The following PSMD1 variants were observed in gnomAD, a reference collection of about 807,000 sequenced individuals.
PSMD1 encodes the protein 26S proteasome non-ATPase regulatory subunit 1.
PSMD1 carries 18 observed loss-of-function variants against 119.0 expected under a neutral mutation model. The ratio of observed to expected loss-of-function variants is 0.15; its 90% CI spans 0.10 to 0.22. The LOEUF is 0.22. PSMD1 is among the 10% of genes least tolerant of loss of function. The pLI is 1.00. For missense variants in PSMD1, 702 were observed against 1,158.5 expected (o/e 0.61, Z 5.72); for synonymous variants, 374 against 396.6 (o/e 0.94, Z 0.68).
chr2:231,114,044 A>G, intron 16 of PSMD1: 1 of 775,068 alleles, frequency 1.3e-6, no homozygotes. Flanking sequence ...GAAATTTTAT[A>G]ACTTTAACAA....
At chr2:231,092,171 G>A (rs1694613045) in intron 16 of PSMD1, among the ~76,000 whole-genome samples, 1 of 152,086 alleles carries the variant, frequency 6.6e-6, no homozygotes, top group Non-Finnish European at 1.5e-5. Context: ...CCTGGGACGG[G>A]GCATGTTCTC....
intron 16 of PSMD1, among the ~76,000 whole-genome samples, chr2:231,116,602 A>AC (rs1695342986): frequency 6.6e-6 from 1 of 152,012 alleles, no homozygotes; most frequent in Non-Finnish European, 1.5e-5. Context: ...TTGGAATTTG[A>AC]CCATCTGATC....
chr2:231,107,155 A>G (rs1694997087), intron 16 of PSMD1, among the ~76,000 whole-genome samples: 1 of 152,216 alleles, frequency 6.6e-6, no homozygotes, highest in Admixed American at 6.5e-5. Context: ...TACTCTTCCC[A>G]GCAGATTATA....
At chr2:231,101,637 C>T (rs1243177660) in intron 16 of PSMD1, among the ~76,000 whole-genome samples, 1 of 152,140 alleles carries the variant, frequency 6.6e-6, no homozygotes, top group Admixed American at 6.5e-5. Flanking sequence ...AAAGGAAAAG[C>T]TAATGTGGCA....
At chr2:231,104,122 G>T (rs1694928729) in intron 16 of PSMD1, among the ~76,000 whole-genome samples, 2 of 152,036 alleles carry the variant, frequency 1.3e-5, no homozygotes, top group Non-Finnish European at 2.9e-5. Context: ...TGTATTGTCA[G>T]TGACTTTATA....
intron 5 of PSMD1, among the ~76,000 whole-genome samples, chr2:231,069,294 C>T (rs1052043020): frequency 6.6e-6 from 1 of 150,678 alleles, no homozygotes; most frequent in Non-Finnish European, 1.5e-5. Context: ...ACTCTTACTA[C>T]TTGTGATATA....
intron 5 of PSMD1, among the ~76,000 whole-genome samples, chr2:231,069,377 A>G (rs768431606): frequency 6.6e-6 from 1 of 152,152 alleles, no homozygotes; most frequent in South Asian, 2.1e-4. Context: ...TGATTTTATT[A>G]CGCAGTGGAA....
chr2:231,146,186 G>A, intron 17 of PSMD1, 54 bp from the exon 18 acceptor site: 1 of 1,234,096 alleles, frequency 8.1e-7, no homozygotes, highest in Non-Finnish European at 1.2e-6. Context: ...TAAATTGAAA[G>A]TTCAGCCATA....
chr2:231,150,222 C>T (rs568016245), intron 18 of PSMD1, among the ~76,000 whole-genome samples: 1 of 152,024 alleles, frequency 6.6e-6, no homozygotes, highest in South Asian at 2.1e-4. Flanking sequence ...TGGCAGGCGC[C>T]TGTAGTTCCA....
chr2:231,154,003 C>T (rs187563702), intron 19 of PSMD1, among the ~76,000 whole-genome samples: 169 of 152,202 alleles, frequency 1.1e-3, no homozygotes, highest in African/African-American at 3.9e-3. Flanking sequence ...ATCCTAGCTA[C>T]TTGGGAGGCT....
intron 16 of PSMD1, among the ~76,000 whole-genome samples, chr2:231,102,398 A>C (rs1215358986): frequency 6.6e-6 from 1 of 152,160 alleles, no homozygotes; most frequent in Non-Finnish European, 1.5e-5. Context: ...CACTGTCGAA[A>C]ATTCACGTAT....
At chr2:231,166,691 C>T (rs112210013) in intron 23 of PSMD1, among the ~76,000 whole-genome samples, 3,384 of 152,172 alleles carry the variant, frequency 0.022, 138 homozygotes, top group African/African-American at 0.077. Context: ...AACTAGAGCG[C>T]CATCAGTAGA....
intron 16 of PSMD1, among the ~76,000 whole-genome samples, chr2:231,101,170 C>T (rs531637048): frequency 6.6e-5 from 10 of 152,282 alleles, no homozygotes; most frequent in African/African-American, 2.4e-4. Flanking sequence ...TAACATTGTT[C>T]ACCCCCAAGT....
At chr2:231,071,941 G>T (rs1182043780) in intron 6 of PSMD1, among the ~76,000 whole-genome samples, 1 of 152,126 alleles carries the variant, frequency 6.6e-6, no homozygotes, top group East Asian at 1.9e-4. Context: ...GAATACTGCT[G>T]ATTACCAGGC....
chr2:231,078,774 T>C, intron 10 of PSMD1, 27 bp downstream of exon 10: 1 of 1,382,640 alleles, frequency 7.2e-7, no homozygotes, highest in East Asian at 2.4e-5. Context: ...ATTTTCACTT[T>C]GGTTCAAAAT....
chr2:231,097,512 C>T (rs1451114487), intron 16 of PSMD1, among the ~76,000 whole-genome samples: 1 of 152,156 alleles, frequency 6.6e-6, no homozygotes, highest in Non-Finnish European at 1.5e-5. Flanking sequence ...TAGCCTAAGG[C>T]TATCTTATTT....
At chr2:231,111,871 G>C (rs1184329236) in intron 16 of PSMD1, among the ~76,000 whole-genome samples, 1 of 152,108 alleles carries the variant, frequency 6.6e-6, no homozygotes. Context: ...TTGTGTTAGT[G>C]TAATTTGTTT....
intron 24 of PSMD1, among the ~76,000 whole-genome samples, chr2:231,172,105 C>T (rs1430350295): frequency 1.3e-5 from 2 of 152,200 alleles, no homozygotes; most frequent in Admixed American, 6.5e-5. Flanking sequence ...TCTAAACTTA[C>T]TTTTGAAAAT....
chr2:231,122,007 ATACT>A (rs1471036523), intron 16 of PSMD1, among the ~76,000 whole-genome samples: 7 of 148,140 alleles, frequency 4.7e-5, no homozygotes, highest in African/African-American at 1.7e-4. Flanking sequence ...TTTCTACATA[ATACT>A]TTCTTTTAAG....
Sources: gnomAD v4.1 joint callset for allele counts (sites outside exome capture counted in the v4.1 genomes callset) on GRCh38, gnomAD v4.1.1 for gene constraint, MANE v1.5 for transcripts, NCBI Gene and HGNC (gene_info 2026-07-23, HGNC 2026-07-21) for gene names.